The following SYN2 variants were observed in gnomAD, a reference collection of about 807,000 sequenced individuals.
SYN2 encodes synapsin-2.
Under a neutral mutation model 50.9 loss-of-function variants are expected in SYN2, and 19 were observed. The observed-to-expected ratio is 0.37, with a 90% CI of 0.26 to 0.55. The LOEUF (loss-of-function observed/expected upper bound fraction) is 0.55. SYN2 is among the 20% of genes least tolerant of loss of function. The pLI, the probability that SYN2 is intolerant of heterozygous loss-of-function variation, is 0.81. For missense variants in SYN2, 587 were observed against 576.4 expected, an observed-to-expected ratio of 1.02 and a Z score of -0.19; for synonymous variants, 255 against 224.9, an observed-to-expected ratio of 1.13 and a Z score of -1.20.
At chr3:12,054,575 C>G (rs1207161505) in intron 1 of SYN2, among the ~76,000 whole-genome samples, 2 of 152,050 alleles carry the variant, frequency 1.3e-5, no homozygotes, top group East Asian at 3.9e-4. Flanking sequence ...ATTCTCCCCT[C>G]TCTGATCCCC....
At chr3:12,126,628 T>G (rs1435525797) in intron 1 of SYN2, among the ~76,000 whole-genome samples, 1 of 152,220 alleles carries the variant, frequency 6.6e-6, no homozygotes, top group African/African-American at 2.4e-5. Context: ...TGGAGTCAGT[T>G]TTCCTAGTTT....
chr3:12,102,821 A>G (rs160221), intron 1 of SYN2, among the ~76,000 whole-genome samples: 138,066 of 152,128 alleles, frequency 0.91, 62,693 homozygotes, highest in East Asian at 1. Flanking sequence ...CAGAGATTTA[A>G]AAGATCGTTT....
chr3:12,105,618 C>T (rs901722608), intron 1 of SYN2, among the ~76,000 whole-genome samples: 12 of 151,616 alleles, frequency 7.9e-5, no homozygotes, highest in Non-Finnish European at 1.8e-4. Context: ...ACATCAGAAA[C>T]AATGTATAAT....
intron 5 of SYN2, chr3:12,158,723 G>A: frequency 6.2e-7 from 1 of 1,610,090 alleles, no homozygotes; most frequent in Non-Finnish European, 8.5e-7. Flanking sequence ...TGGCAGATGT[G>A]CTGCTGAGGG....
chr3:12,039,983 G>A (rs927656723), intron 1 of SYN2, among the ~76,000 whole-genome samples: 2 of 152,116 alleles, frequency 1.3e-5, no homozygotes, highest in Non-Finnish European at 2.9e-5. Flanking sequence ...AGTCATGTGG[G>A]CATTGGTGTT....
intron 1 of SYN2, among the ~76,000 whole-genome samples, chr3:12,119,525 C>T (rs888750075): frequency 6.6e-6 from 1 of 152,148 alleles, no homozygotes; most frequent in Non-Finnish European, 1.5e-5. Context: ...CTTTTTCCCC[C>T]CTAACAGCTG....
In SYN2 at chr3:12,071,036, T is replaced by C. The variant is rs571210753; in HGVS notation, c.377+66108T>C. 599 of 559,752 alleles carry C rather than the reference T, an allele frequency of 1.1e-3. 5 individuals are homozygous for C. The highest frequency in any genetic ancestry group is 6.8e-3 in the South Asian group (492 of 72,110). The allele number at this position is 559,752 out of a possible 1,614,324, so 34.7% of individuals were successfully genotyped here. ...GAGGCGCTGTTATAGCTTTCCTTCC[T>C]GGGCATGGAATCTTGTGGCATCCAT... On this transcript the variant is annotated intron_variant, in intron 1 of 12. Coordinates refer to ENST00000621198, the MANE Select transcript of SYN2 (RefSeq NM_133625.6).
At chr3:12,168,582 C>G in intron 9 of SYN2, 104 bp downstream of exon 9, 1 of 974,348 alleles carries the variant, frequency 1.0e-6, no homozygotes, top group Non-Finnish European at 1.6e-6. Context: ...TGGAAATGTT[C>G]CAGCAAGATC....
intron 4 of SYN2, among the ~76,000 whole-genome samples, chr3:12,149,930 A>G (rs1697238366): frequency 6.6e-6 from 1 of 152,254 alleles, no homozygotes; most frequent in South Asian, 2.1e-4. Flanking sequence ...AAATTTAACC[A>G]TCTCATTTTA....
At chr3:12,118,835 A>G (rs1461967495) in intron 1 of SYN2, among the ~76,000 whole-genome samples, 2 of 152,142 alleles carry the variant, frequency 1.3e-5, no homozygotes, top group Non-Finnish European at 2.9e-5. Flanking sequence ...CAAAAAAACA[A>G]AAGAAGTGAA....
chr3:12,020,912 A>T (rs182675642), intron 1 of SYN2, among the ~76,000 whole-genome samples: 1 of 152,328 alleles, frequency 6.6e-6, no homozygotes, highest in African/African-American at 2.4e-5. Context: ...TGATTAAAGG[A>T]TGTTTTAAAT....
chr3:12,158,825 G>A (rs746718077), intron 5 of SYN2: 18 of 1,592,560 alleles, frequency 1.1e-5, no homozygotes, highest in Non-Finnish European at 1.4e-5. Flanking sequence ...GGCGCGGGCC[G>A]AGGGCTCCCA....
At chr3:12,027,256 A>G (rs1694281131) in intron 1 of SYN2, among the ~76,000 whole-genome samples, 1 of 152,068 alleles carries the variant, frequency 6.6e-6, no homozygotes, top group African/African-American at 2.4e-5. Flanking sequence ...TTTGTAATGC[A>G]TTTCGTTTGT....
intron 1 of SYN2, among the ~76,000 whole-genome samples, chr3:12,111,398 C>T (rs961987361): frequency 6.6e-6 from 1 of 152,152 alleles, no homozygotes; most frequent in African/African-American, 2.4e-5. Flanking sequence ...TGGACTAATA[C>T]ACTTACCTAA....
chr3:12,153,934 C>T (rs1188790947), intron 5 of SYN2, among the ~76,000 whole-genome samples: 3 of 152,152 alleles, frequency 2.0e-5, no homozygotes, highest in Admixed American at 6.5e-5. Context: ...CTCTGAGGGT[C>T]CTTACTCTAC....
At chr3:12,014,222 G>A (rs764167785) in intron 1 of SYN2, among the ~76,000 whole-genome samples, 3 of 152,160 alleles carry the variant, frequency 2.0e-5, no homozygotes, top group Non-Finnish European at 4.4e-5. Flanking sequence ...TCCAGCATAG[G>A]GCTTGACACA....
chr3:12,173,585 C>T (rs562261233), intron 10 of SYN2, among the ~76,000 whole-genome samples: 42 of 152,244 alleles, frequency 2.8e-4, no homozygotes, highest in Admixed American at 1.4e-3. Context: ...GTCAGCATCC[C>T]GCTCCAACCA....
intron 5 of SYN2, chr3:12,158,895 G>A (rs1574870607): frequency 4.1e-6 from 6 of 1,467,156 alleles, no homozygotes; most frequent in Admixed American, 2.3e-5. Context: ...GACGGCCCCA[G>A]CAGGGCTCCT....
At chr3:12,167,171 G>T (rs795009) in intron 7 of SYN2, 63 bp from the exon 8 acceptor site, 1,156,272 of 1,542,288 alleles carry the variant, frequency 0.75, 434,988 homozygotes, top group Admixed American at 0.84. Context: ...CTGGAAAGTT[G>T]CATGCCCTCC....
Sources: gnomAD v4.1 joint callset for allele counts (sites outside exome capture counted in the v4.1 genomes callset) on GRCh38, gnomAD v4.1.1 for gene constraint, MANE v1.5 for transcripts, NCBI Gene and HGNC (gene_info 2026-07-23, HGNC 2026-07-21) for gene names.